Variants in PEAR1 observed in about 807,000 individuals in gnomAD.
PEAR1 encodes multiple EGF-like domains protein 12.
Under a neutral mutation model 131.2 loss-of-function variants are expected in PEAR1, and 113 were observed. The observed-to-expected ratio is 0.86, with a 90% CI of 0.74 to 1.01. The LOEUF is 1.01. Among genes scored for constraint, PEAR1 ranks in the 50% least tolerant of loss-of-function variants. The pLI, the probability that PEAR1 is intolerant of heterozygous loss-of-function variation, is 0.00. For synonymous variants in PEAR1, 565 were observed against 523.3 expected, an observed-to-expected ratio of 1.08 and a Z score of -1.09; for missense variants, 1,408 against 1,391.1, an observed-to-expected ratio of 1.01 and a Z score of -0.19.
At chr1:156,898,748 C>T (rs1002664374) in intron 1 of PEAR1, among the ~76,000 whole-genome samples, 6 of 152,148 alleles carry the variant, frequency 3.9e-5, no homozygotes, top group South Asian at 2.1e-4. Flanking sequence ...CAAGCTAAGA[C>T]GCATGGCTTT....
intron 15 of PEAR1, 38 bp from the exon 16 acceptor site, chr1:156,912,209 G>A (rs1339215268): frequency 2.5e-6 from 4 of 1,579,464 alleles, no homozygotes; most frequent in Middle Eastern, 1.8e-4. Context: ...AGGAAAAGCT[G>A]TACCTGCCCC....
At chr1:156,913,662 G>A (rs1460676784) in intron 20 of PEAR1, 30 bp from the exon 21 acceptor site, 1 of 1,610,576 alleles carries the variant, frequency 6.2e-7, no homozygotes, top group South Asian at 1.1e-5. Flanking sequence ...GGGACAGAGG[G>A]CTGATTACCA....
At chr1:156,904,160 A>C (rs1190175429) in intron 2 of PEAR1, 133 bp downstream of exon 2, 1 of 713,074 alleles carries the variant, frequency 1.4e-6, no homozygotes, top group African/African-American at 1.8e-5. Flanking sequence ...CCTCCCGCCT[A>C]TTTCTCTGTT....
At position 156,910,603 on chromosome 1, in the gene PEAR1, A is replaced by G. The variant is rs1272030733; in HGVS notation, c.1826-15A>G. The G allele has an allele frequency of 1.9e-6, 3 of 1,612,414 alleles. No individual in the cohort carries two copies. The highest frequency in any genetic ancestry group is 2.5e-6 in the Non-Finnish European group (3 of 1,179,490). On this transcript the variant is annotated splice_polypyrimidine_tract_variant and intron_variant, in intron 14 of 22. Transcript: ENST00000292357. ...TGGCCTCTGCCCCCAATCACCATGT[A>G]CCCCTTTCCCCCAGCCTGTCAGCCT...
chr1:156,900,941 C>T (rs1000357122), intron 1 of PEAR1, among the ~76,000 whole-genome samples: 1 of 152,156 alleles, frequency 6.6e-6, no homozygotes, highest in Non-Finnish European at 1.5e-5. Flanking sequence ...GGAGCATGGG[C>T]CAGGCTCAGG....
intron 5 of PEAR1, 64 bp from the exon 6 acceptor site, chr1:156,906,573 A>G (rs1650327910): frequency 1.3e-6 from 2 of 1,596,092 alleles, no homozygotes; most frequent in East Asian, 2.2e-5. Flanking sequence ...TGGGAGACAG[A>G]GACGGGGAGG....
In PEAR1 at chr1:156,906,256, C is replaced by T; in HGVS notation, c.308-20C>T. 1 of 1,611,608 alleles carries T rather than the reference C, an allele frequency of 6.2e-7. No homozygotes were observed. The highest frequency in any genetic ancestry group is 8.5e-7 in the Non-Finnish European group (1 of 1,177,810). On this transcript the variant is annotated intron_variant, in intron 4 of 22. Transcript: ENST00000292357. ...AGGGGCAGGGGTGGACACATCTCAC[C>T]ACACCCATCTCTGTCCCAGCGCTCT...
Position 156,908,398 on chromosome 1 carries a change from C to T in PEAR1, c.1115+58C>T. Reference sequence around the variant, plus strand: ...GAGGCCAATGGGGAGGTCTTCCTGGCCGAAGTCACCACAGAGCCAGGGCCA... The same window carrying T: ...GAGGCCAATGGGGAGGTCTTCCTGGTCGAAGTCACCACAGAGCCAGGGCCA... On this transcript the variant is annotated intron_variant, in intron 9 of 22. Transcript: ENST00000292357. This position sits in a 1 kb window ranked among gnomAD's most constrained non-coding sequence, Gnocchi z 4.2. The T allele has an allele frequency of 6.9e-7, 1 of 1,445,704 alleles. No homozygotes were observed. The highest frequency in any genetic ancestry group is 9.1e-7 in the Non-Finnish European group (1 of 1,094,918). The allele number at this position is 1,445,704 out of a possible 1,614,324, so 89.6% of individuals were successfully genotyped here.
rs765096375 is a variant in PEAR1, at chr1:156,907,750, T to A, written c.765+20T>A. The A allele has an allele frequency of 1.2e-5, 19 of 1,594,392 alleles. No homozygotes were observed. The highest frequency in any genetic ancestry group is 1.5e-5 in the Non-Finnish European group (17 of 1,170,654). ...TGGATGGTATGGAGGGTGGGGCCTG[T>A]GGGCATGGGGTGTGGGTCTGGGGAG... is the stretch of plus-strand genomic sequence containing the variant. On this transcript the variant is annotated intron_variant, in intron 7 of 22. Transcript: ENST00000292357.
chr1:156,907,131 T>C (rs958012851), intron 6 of PEAR1, among the ~76,000 whole-genome samples: 44 of 152,150 alleles, frequency 2.9e-4, no homozygotes, highest in African/African-American at 1.0e-3. Flanking sequence ...GCTGTGAAGA[T>C]AACATGAGGT....
chr1:156,913,076 G>T (rs1253559763), intron 18 of PEAR1, 94 bp downstream of exon 18: 3 of 1,565,374 alleles, frequency 1.9e-6, no homozygotes, highest in African/African-American at 2.7e-5. Flanking sequence ...GATGAGGAGT[G>T]GGGAGGAGGG....
chr1:156,909,112 T>G, intron 11 of PEAR1, 76 bp downstream of exon 11: 2 of 1,592,178 alleles, frequency 1.3e-6, no homozygotes, highest in African/African-American at 1.3e-5. Flanking sequence ...AGAGTATGGG[T>G]GGGCCAAGGG....
chr1:156,897,997 G>A (rs114555158), intron 1 of PEAR1, among the ~76,000 whole-genome samples: 1,857 of 152,186 alleles, frequency 0.012, 48 homozygotes, highest in African/African-American at 0.043. Flanking sequence ...AGCAGGGTGG[G>A]CCTGAGGGGG....
At chr1:156,904,986 T>C in intron 3 of PEAR1, 134 bp downstream of exon 3, 3 of 1,552,596 alleles carry the variant, frequency 1.9e-6, no homozygotes, top group East Asian at 2.4e-5. Context: ...TCATTCTGCA[T>C]GGTCTGTGTC....
At chr1:156,903,162 C>T (rs1355257726) in intron 1 of PEAR1, among the ~76,000 whole-genome samples, 6 of 152,136 alleles carry the variant, frequency 3.9e-5, no homozygotes, top group Admixed American at 3.3e-4. Context: ...ATACAATTGG[C>T]TCTCTGGGCC....
chr1:156,913,367 C>T (rs1031206359), intron 19 of PEAR1, 24 bp from the exon 20 acceptor site: 1 of 1,609,430 alleles, frequency 6.2e-7, no homozygotes, highest in African/African-American at 1.3e-5. Context: ...CTCTTGCTCT[C>T]CCTCCTGCAC....
At chr1:156,911,073 CTTTCTTT>C (rs1391427869) in intron 15 of PEAR1, among the ~76,000 whole-genome samples, 8 of 112,924 alleles carry the variant, frequency 7.1e-5, no homozygotes, top group African/African-American at 3.7e-4. Flanking sequence ...TTCTTTCTTT[CTTTCTTT>C]CTTTCTTTCT....
chr1:156,905,421 G>A lies in PEAR1; in HGVS notation c.304G>A (p.Val102Ile), dbSNP rs1465923101. The A allele has an allele frequency of 4.4e-6, 7 of 1,601,992 alleles. No individual in the cohort carries two copies. The highest frequency in any genetic ancestry group is 6.0e-6 in the Non-Finnish European group (7 of 1,174,308). ...HGFYESRGFC[V>I]PLCAQECVHG... ...CTTCTATGAGAGCAGGGGGTTCTGT[G>A]TCCGTGAGTCCAGGGTTGGGTTAGG... Residue 102 changes from valine to isoleucine, a missense_variant, in exon 4 of 23, where the codon GTC becomes ATC. Transcript: ENST00000292357.
chr1:156,903,560 G>A (rs1244060067), intron 1 of PEAR1, among the ~76,000 whole-genome samples: 3 of 152,200 alleles, frequency 2.0e-5, no homozygotes, highest in African/African-American at 7.2e-5. Context: ...GAACAGTGGG[G>A]TGGGGGTGAA....
Sources: gnomAD v4.1 joint callset for allele counts (sites outside exome capture counted in the v4.1 genomes callset) on GRCh38, gnomAD v4.1.1 for gene constraint, Gnocchi (gnomAD v3.1) non-coding constraint, MANE v1.5 for transcripts, NCBI Gene and HGNC (gene_info 2026-07-23, HGNC 2026-07-21) for gene names.